SEC31B: variants seen among roughly 807,000 people sequenced by gnomAD.
SEC31B encodes the protein protein transport protein Sec31B.
Under a neutral mutation model 135.0 loss-of-function variants are expected in SEC31B, and 113 were observed. That is an observed-to-expected ratio of 0.84 (90% CI 0.72 to 0.98). The LOEUF is 0.98. SEC31B is among the 50% of genes least tolerant of loss of function. SEC31B has a pLI of 0.00. For missense variants in SEC31B, 1,296 were observed against 1,421.1 expected (o/e 0.91, Z 1.42); for synonymous variants, 508 against 549.4 (o/e 0.92, Z 1.05).
At chr10:100,505,016 T>A (rs927149742) in intron 10 of SEC31B, among the ~76,000 whole-genome samples, 3 of 143,210 alleles carry the variant, frequency 2.1e-5, no homozygotes, top group African/African-American at 7.9e-5. Context: ...AATAAAATGG[T>A]TTTTTTTTTG....
At chr10:100,515,617 G>C (rs1274899192) in intron 3 of SEC31B, among the ~76,000 whole-genome samples, 1 of 152,154 alleles carries the variant, frequency 6.6e-6, no homozygotes, top group Non-Finnish European at 1.5e-5. Flanking sequence ...CACAGTGTCT[G>C]GCATGTATAC....
At chr10:100,505,274 T>C (rs1589737260) in intron 10 of SEC31B, 87 bp downstream of exon 10, 8 of 1,537,082 alleles carry the variant, frequency 5.2e-6, no homozygotes, top group Middle Eastern at 3.7e-4. Flanking sequence ...CTTAGCTCCA[T>C]GCTGGGCACA....
Position 100,509,106 on chromosome 10 carries a change from T to C in SEC31B, c.400-4A>G. ...CCCCTGAAGCCAGGAGGTTGCCCTG[T>C]ATGAATAAAAAGTGTTTGGAGACAT... On this transcript the variant is annotated splice_region_variant and splice_polypyrimidine_tract_variant and intron_variant, in intron 4 of 25. Transcript: ENST00000370345. 6.2e-7 allele frequency: 1 copy of C among 1,613,582 alleles called. No homozygotes were observed. Among genetic ancestry groups the C allele is most frequent in the Non-Finnish European group, 8.5e-7 (1 of 1,179,568 alleles).
intron 1 of SEC31B, among the ~76,000 whole-genome samples, chr10:100,519,023 T>C (rs1247345897): frequency 6.6e-6 from 1 of 152,244 alleles, no homozygotes. Context: ...TTGATGTGCA[T>C]ATCTCAGTTA....
At chr10:100,511,213 G>A (rs1294186374) in intron 3 of SEC31B, among the ~76,000 whole-genome samples, 1 of 152,238 alleles carries the variant, frequency 6.6e-6, no homozygotes, top group East Asian at 1.9e-4. Context: ...CATATAGAAA[G>A]CACATTTCTG....
At chr10:100,497,405 A>G in intron 16 of SEC31B, 125 bp from the exon 17 acceptor site, 1 of 1,517,750 alleles carries the variant, frequency 6.6e-7, no homozygotes, top group Non-Finnish European at 8.8e-7. Flanking sequence ...CAACACTGAG[A>G]CTCACCTTGC....
In SEC31B at chr10:100,490,016, G is replaced by A. The variant is rs1439255178; in HGVS notation, c.2957C>T (p.Pro986Leu). Residue 986 changes from proline (P) to leucine (L), a missense_variant, in exon 21 of 26, where the codon CCT becomes CTT. Coordinates refer to ENST00000370345, the MANE Select transcript of SEC31B (RefSeq NM_015490.4). Reference sequence around the variant, plus strand: ...ATGGAAGGAAGACTGACCTGGGTGAGGAGTCAAGATGCCAGTGGTTGGGAG... The same window carrying A: ...ATGGAAGGAAGACTGACCTGGGTGAAGAGTCAAGATGCCAGTGGTTGGGAG... ...SVLPTTGILT[P>L]HPGPQDSWKE... is the part of the protein sequence containing the mutation. The A allele has an allele frequency of 1.9e-6, 3 of 1,542,556 alleles. No individual in the cohort carries two copies. The highest frequency in any genetic ancestry group is 2.6e-6 in the Non-Finnish European group (3 of 1,149,780).
At chr10:100,488,603 G>A (rs925702593) in intron 24 of SEC31B, among the ~76,000 whole-genome samples, 6 of 152,056 alleles carry the variant, frequency 3.9e-5, no homozygotes, top group Non-Finnish European at 7.4e-5. Context: ...CTCACTCCTG[G>A]CTCCACCCTC....
Position 100,502,413 on chromosome 10 carries a change from G to A in SEC31B, c.1251C>T (p.Arg417=). 6.2e-7 allele frequency: 1 copy of A among 1,614,194 alleles called. No individual in the cohort carries two copies. Among genetic ancestry groups the A allele is most frequent in the Non-Finnish European group, 8.5e-7 (1 of 1,180,036 alleles). ...TGGTGACTTGACTGATGAAGACTAG[G>A]CGGGGGCAAGGCTGTGGCACCAGAT... is the stretch of plus-strand genomic sequence containing the variant. ...PAHLVPQPCP[R]LVFISQVTTE... is the part of the protein sequence containing the mutation. The change falls in exon 11 of 26, where the codon CGC becomes CGT. Residue 417 remains arginine, a synonymous_variant. Transcript: ENST00000370345.
chr10:100,516,033 C>T (rs1851836043), intron 3 of SEC31B, 63 bp downstream of exon 3: 2 of 1,576,320 alleles, frequency 1.3e-6, no homozygotes, highest in Non-Finnish European at 1.7e-6. Flanking sequence ...AAGAAACACA[C>T]ACTGCTCCCA....
rs574455225 is a variant in SEC31B at position 100,495,294 on chromosome 10, T to A, written c.2472+91A>T. On this transcript the variant is annotated intron_variant, in intron 19 of 25. Transcript: ENST00000370345. ...GTTCTATGGAAGTTGGGAATTTTCATCAGTTTTGTTCACAATATATTCCAA... is the reference window on the plus strand; with the variant it reads ...GTTCTATGGAAGTTGGGAATTTTCAACAGTTTTGTTCACAATATATTCCAA... 91 of 1,161,118 alleles carry A rather than the reference T, an allele frequency of 7.8e-5. No homozygotes were observed. The African/African-American group carries it at 1.1e-3, about 14-fold the overall frequency. The allele number at this position is 1,161,118 out of a possible 1,614,324, so 71.9% of individuals were successfully genotyped here.
chr10:100,492,235 T>G (rs1851314354), intron 19 of SEC31B, among the ~76,000 whole-genome samples: 1 of 152,200 alleles, frequency 6.6e-6, no homozygotes, highest in African/African-American at 2.4e-5. Flanking sequence ...ATTTATTTAT[T>G]TTTTTTGAGA....
At chr10:100,519,442 T>C (rs116683437) in intron 1 of SEC31B, among the ~76,000 whole-genome samples, 1,600 of 152,304 alleles carry the variant, frequency 0.011, 31 homozygotes, top group African/African-American at 0.036. Flanking sequence ...GGGTCAGCAA[T>C]GACAGACCTT....
At chr10:100,516,541 C>A (rs1404958321) in intron 2 of SEC31B, among the ~76,000 whole-genome samples, 3 of 149,408 alleles carry the variant, frequency 2.0e-5, no homozygotes, top group Non-Finnish European at 4.4e-5. Context: ...CCCAGCTACT[C>A]AGGAGGCTGA....
intron 12 of SEC31B, 70 bp downstream of exon 12, chr10:100,499,454 T>C (rs1851475197): frequency 1.6e-6 from 2 of 1,283,838 alleles, no homozygotes; most frequent in African/African-American, 3.0e-5. Context: ...TATTCTGAGG[T>C]GGTTTACTCT....
At chr10:100,506,486 T>C (rs1851635076) in intron 7 of SEC31B, 66 bp from the exon 8 acceptor site, 3 of 1,404,412 alleles carry the variant, frequency 2.1e-6, no homozygotes, top group Admixed American at 3.5e-5. Context: ...GTGCCTTATA[T>C]GTCTTTTATA....
In SEC31B at chr10:100,489,697, A is replaced by G; in HGVS notation, c.3024+6T>C. The G allele has an allele frequency of 6.2e-7, 1 of 1,614,080 alleles. No homozygotes were observed. Among genetic ancestry groups the G allele is most frequent in the East Asian group, 2.2e-5 (1 of 44,862 alleles). ...CGAGGGAGTGGGTAGGGAAAGATGCATTGACCTTGTTCCTCTGGAGGTTTC... is the reference window on the plus strand; with the variant it reads ...CGAGGGAGTGGGTAGGGAAAGATGCGTTGACCTTGTTCCTCTGGAGGTTTC... On this transcript the variant is annotated splice_donor_region_variant and intron_variant, in intron 22 of 25. Coordinates refer to ENST00000370345, the MANE Select transcript of SEC31B (RefSeq NM_015490.4).
chr10:100,487,554 C>G lies in SEC31B; in HGVS notation c.*62G>C. On this transcript the variant is annotated 3_prime_UTR_variant, in exon 26 of 26. Transcript: ENST00000370345. ...ACAGAATCTGTTGCAGAAGTCCCCT[C>G]TTCTGCAGGGAGGAGTTATGTAACA... The G allele has an allele frequency of 6.9e-7, 1 of 1,458,568 alleles. No individual in the cohort carries two copies. Among genetic ancestry groups the G allele is most frequent in the Non-Finnish European group, 9.4e-7 (1 of 1,061,614 alleles). The allele number at this position is 1,458,568 out of a possible 1,614,324, so 90.4% of individuals were successfully genotyped here. A position where few individuals can be genotyped will look rare whatever the true frequency, so the allele number is the denominator to read the frequency against.
intron 19 of SEC31B, among the ~76,000 whole-genome samples, chr10:100,494,079 C>T (rs1349941697): frequency 6.6e-6 from 1 of 150,758 alleles, no homozygotes; most frequent in African/African-American, 2.5e-5. Flanking sequence ...ACAAGATGAG[C>T]CATCAGAGCT....
Sources: allele counts gnomAD v4.1 joint callset (sites outside exome capture counted in the v4.1 genomes callset), GRCh38; gene constraint gnomAD v4.1.1; transcripts MANE v1.5; gene names NCBI Gene and HGNC (gene_info 2026-07-23, HGNC 2026-07-21).